STAM2: variants seen among roughly 807,000 people sequenced by gnomAD.
The protein encoded by STAM2 is signal transducing adapter molecule 2.
A neutral mutation model predicts 65.6 loss-of-function variants in STAM2; 51 were observed. The observed-to-expected ratio is 0.78, with a 90% CI of 0.62 to 0.98. The LOEUF (loss-of-function observed/expected upper bound fraction) is 0.98. Ranked by LOEUF, STAM2 falls within the 50% of genes least tolerant of loss-of-function variation. The probability of loss-of-function intolerance (pLI) is 0.00; values close to 1 mark genes in which losing one functional copy is unlikely to be tolerated. For missense variants in STAM2, 584 were observed against 617.8 expected (o/e 0.95, Z 0.58); for synonymous variants, 198 against 208.4 (o/e 0.95, Z 0.43).
At position 152,120,565 on chromosome 2, in the gene STAM2, G is replaced by T. The variant is rs1461442390; in HGVS notation, c.*9C>A. ...TATGAAGGCTTTCAAGAAAATGCTTGATTTGTTTCTAAAGGAGAGGCTGCT... is the reference window on the plus strand; with the variant it reads ...TATGAAGGCTTTCAAGAAAATGCTTTATTTGTTTCTAAAGGAGAGGCTGCT... On this transcript the variant is annotated 3_prime_UTR_variant, in exon 14 of 14. Transcript: ENST00000263904. The T allele has an allele frequency of 1.2e-6, 2 of 1,612,118 alleles. No individual in the cohort carries two copies. The highest frequency in any genetic ancestry group is 4.5e-5 in the East Asian group (2 of 44,862).
chr2:152,124,339 T>A (rs3820702), intron 12 of STAM2: 67,148 of 155,794 alleles, frequency 0.43, 16,182 homozygotes, highest in East Asian at 0.84. Flanking sequence ...CCCTCATCCC[T>A]GGATGACTCA....
At chr2:152,153,654 C>G (rs1015373941) in intron 1 of STAM2, among the ~76,000 whole-genome samples, 2 of 152,156 alleles carry the variant, frequency 1.3e-5, no homozygotes, top group African/African-American at 4.8e-5. Flanking sequence ...GCAGGCAAAA[C>G]ATACCTACTC....
At chr2:152,160,156 C>T (rs1199068848) in intron 1 of STAM2, among the ~76,000 whole-genome samples, 3 of 152,166 alleles carry the variant, frequency 2.0e-5, no homozygotes, top group African/African-American at 4.8e-5. Flanking sequence ...GCCACCCCGT[C>T]GGGGAAGTGA....
rs774144402 is a variant in STAM2, at chr2:152,144,056, T to G, written c.518-43A>C. 2.0e-6 allele frequency: 3 copies of G among 1,527,804 alleles called. No homozygotes were observed. The Admixed American group carries it at 6.0e-5, about 31-fold the overall frequency. The allele number at this position is 1,527,804 out of a possible 1,614,324, so 94.6% of individuals were successfully genotyped here. ...AATGCAAAGAAACTGGAATTAATTT[T>G]GATAAAATAAACATTAGATGACAAT... On this transcript the variant is annotated intron_variant, in intron 6 of 13. Coordinates refer to ENST00000263904, the MANE Select transcript of STAM2 (RefSeq NM_005843.6).
At chr2:152,155,589 TTAGA>T (rs1455890572) in intron 1 of STAM2, among the ~76,000 whole-genome samples, 1 of 152,262 alleles carries the variant, frequency 6.6e-6, no homozygotes, top group Non-Finnish European at 1.5e-5. Context: ...CAAAAGCTTC[TTAGA>T]TAGGTAACTA....
chr2:152,147,231 A>G lies in STAM2; in HGVS notation c.378T>C (p.Phe126=), dbSNP rs767074075. ...WSEEFQKDPQ[F]SLISATIKSM... is the part of the protein sequence containing the mutation. ...ATTTAATAGTTGCAGATATCAGACT[A>G]AACTGAGGGTCCTTCTGAAATTCTT... Residue 126 remains phenylalanine, a synonymous_variant, in exon 5 of 14, where the codon TTT becomes TTC. Transcript: ENST00000263904. 7 of 1,612,530 alleles carry G rather than the reference A, an allele frequency of 4.3e-6. No individual in the cohort carries two copies. The highest frequency in any genetic ancestry group is 5.9e-6 in the Non-Finnish European group (7 of 1,179,388).
chr2:152,167,104 C>T (rs1222741355), intron 1 of STAM2, among the ~76,000 whole-genome samples: 2 of 152,092 alleles, frequency 1.3e-5, no homozygotes, highest in Non-Finnish European at 2.9e-5. Flanking sequence ...TCCCTTCATG[C>T]TTTTTTTAAA....
intron 8 of STAM2, among the ~76,000 whole-genome samples, chr2:152,134,101 C>T (rs1439050071): frequency 7.0e-6 from 1 of 142,192 alleles, no homozygotes; most frequent in African/African-American, 2.6e-5. Context: ...TTTAAATGTT[C>T]CCTGGAGTAT....
chr2:152,143,923 A>G lies in STAM2; in HGVS notation c.608T>C (p.Val203Ala). Reference sequence around the variant, plus strand: ...ATATAAAGCTCTCACTTTCCGTGCAACCTTATTATTTAACTGAATTTCTGA... The same window carrying G: ...ATATAAAGCTCTCACTTTCCGTGCAGCCTTATTATTTAACTGAATTTCTGA... ...PSSEIQLNNK[V>A]ARKVRALYDF... The change falls in exon 7 of 14, where the codon GTT becomes GCT. Residue 203 changes from valine to alanine, a missense_variant. Val to Ala is a moderately conservative substitution (Grantham distance 64). Transcript: ENST00000263904. 1.2e-6 allele frequency: 2 copies of G among 1,613,792 alleles called. No individual in the cohort carries two copies. Among genetic ancestry groups the G allele is most frequent in the Non-Finnish European group, 1.7e-6 (2 of 1,179,846 alleles).
intron 5 of STAM2, 137 bp from the exon 6 acceptor site, chr2:152,145,094 C>T (rs1689313915): frequency 2.9e-6 from 2 of 696,972 alleles, no homozygotes; most frequent in Admixed American, 2.2e-5. Context: ...TTTTTTGAGA[C>T]AGGGTCTCAT....
intron 7 of STAM2, among the ~76,000 whole-genome samples, chr2:152,142,223 A>G (rs1400159085): frequency 2.0e-5 from 3 of 152,238 alleles, no homozygotes; most frequent in Non-Finnish European, 4.4e-5. Context: ...TTCTCTTAGC[A>G]GTTACAAATA....
intron 7 of STAM2, among the ~76,000 whole-genome samples, chr2:152,143,545 T>C (rs1239462542): frequency 2.6e-5 from 4 of 152,210 alleles, no homozygotes; most frequent in African/African-American, 9.6e-5. Flanking sequence ...GTAAACATAT[T>C]CAAGTAACTG....
At chr2:152,163,768 G>A (rs1393897769) in intron 1 of STAM2, among the ~76,000 whole-genome samples, 2 of 152,136 alleles carry the variant, frequency 1.3e-5, no homozygotes, top group East Asian at 1.9e-4. Flanking sequence ...ATAAACGGCC[G>A]CTCTGGGAGT....
intron 2 of STAM2, among the ~76,000 whole-genome samples, chr2:152,148,548 T>C (rs1236058250): frequency 1.3e-5 from 2 of 152,178 alleles, no homozygotes; most frequent in African/African-American, 4.8e-5. Flanking sequence ...CATGTGTCTG[T>C]ACTCCTAGCT....
intron 1 of STAM2, among the ~76,000 whole-genome samples, chr2:152,170,918 C>G (rs1353052852): frequency 6.6e-6 from 1 of 152,102 alleles, no homozygotes; most frequent in Non-Finnish European, 1.5e-5. Context: ...ATTGCTTGAA[C>G]CTGGGAAGCA....
At position 152,144,019 on chromosome 2, in the gene STAM2, T is replaced by G; in HGVS notation, c.518-6A>C. 6.3e-7 allele frequency: 1 copy of G among 1,596,396 alleles called. No individual in the cohort carries two copies. The highest frequency in any genetic ancestry group is 1.2e-5 in the South Asian group (1 of 86,422). Reference sequence around the variant, plus strand: ...TTGCAGCGATAATTCAATAGCTAGTTTCAAAAATTAAAATGCAAAGAAACT... The same window carrying G: ...TTGCAGCGATAATTCAATAGCTAGTGTCAAAAATTAAAATGCAAAGAAACT... On this transcript the variant is annotated splice_polypyrimidine_tract_variant and splice_region_variant and intron_variant, in intron 6 of 13. Coordinates refer to ENST00000263904, the MANE Select transcript of STAM2 (RefSeq NM_005843.6).
intron 11 of STAM2, among the ~76,000 whole-genome samples, chr2:152,128,092 T>C (rs997326207): frequency 6.6e-6 from 1 of 152,174 alleles, no homozygotes; most frequent in African/African-American, 2.4e-5. Flanking sequence ...AATGACTGCA[T>C]TAAGCAGGTC....
chr2:152,132,261 C>A, intron 10 of STAM2, 93 bp from the exon 11 acceptor site: 2 of 832,230 alleles, frequency 2.4e-6, no homozygotes, highest in Non-Finnish European at 3.9e-6. Context: ...ATATACAACA[C>A]TATGCATAAT....
intron 5 of STAM2, among the ~76,000 whole-genome samples, chr2:152,145,233 G>C (rs546661673): frequency 1.3e-5 from 2 of 152,160 alleles, no homozygotes; most frequent in South Asian, 2.1e-4. Flanking sequence ...TCCACAACCG[G>C]CTAATTTTTA....
Sources: allele counts gnomAD v4.1 joint callset (sites outside exome capture counted in the v4.1 genomes callset), GRCh38; gene constraint gnomAD v4.1.1; transcripts MANE v1.5; gene names NCBI Gene and HGNC (gene_info 2026-07-23, HGNC 2026-07-21).